The following BLTP3B variants were observed in gnomAD, a reference collection of about 807,000 sequenced individuals.
The protein encoded by BLTP3B is bridge-like lipid transfer protein family member 3B.
At chr12:100,121,519 T>C in the BLTP3B span, among the ~76,000 whole-genome samples, 4 of 152,098 alleles carry the variant, frequency 2.6e-5, no homozygotes, top group Non-Finnish European at 5.9e-5. Context: ...GTAATGGTAT[T>C]ATGATTACAT....
chr12:100,075,137 G>A, the BLTP3B span, among the ~76,000 whole-genome samples: 1 of 151,678 alleles, frequency 6.6e-6, no homozygotes, highest in Non-Finnish European at 1.5e-5. Context: ...TCAGCCTCCT[G>A]AGTAGCTGGG....
chr12:100,100,714 A>G, the BLTP3B span, among the ~76,000 whole-genome samples: 3 of 141,992 alleles, frequency 2.1e-5, no homozygotes, highest in African/African-American at 8.5e-5. Context: ...CCAAAAATAC[A>G]TATTCACATT....
the BLTP3B span, among the ~76,000 whole-genome samples, chr12:100,125,007 T>C: frequency 7.4e-6 from 1 of 134,760 alleles, no homozygotes; most frequent in South Asian, 2.4e-4. Flanking sequence ...GGTCCATATA[T>C]ATATATATAT....
At chr12:100,112,731 T>C in the BLTP3B span, among the ~76,000 whole-genome samples, 3 of 151,322 alleles carry the variant, frequency 2.0e-5, no homozygotes, top group Non-Finnish European at 4.4e-5. Flanking sequence ...AGAGAATAAA[T>C]GCACAAAAAG....
the BLTP3B span, among the ~76,000 whole-genome samples, chr12:100,099,308 T>C: frequency 1.5e-4 from 22 of 150,758 alleles, no homozygotes; most frequent in Admixed American, 1.3e-3. Context: ...CATTTTTATA[T>C]TGAAAAAATA....
chr12:100,131,028 AG>A, the BLTP3B span, among the ~76,000 whole-genome samples: 1 of 123,884 alleles, frequency 8.1e-6, no homozygotes, highest in East Asian at 2.0e-4. Context: ...AGAGAGAGAG[AG>A]AGAGAAAGAG....
At chr12:100,107,182 G>A in the BLTP3B span, among the ~76,000 whole-genome samples, 1 of 149,858 alleles carries the variant, frequency 6.7e-6, no homozygotes, top group Non-Finnish European at 1.5e-5. Flanking sequence ...CAGCTACTTG[G>A]AAGGCTGAGG....
chr12:100,048,811 T>A, the BLTP3B span, among the ~76,000 whole-genome samples: 3 of 138,564 alleles, frequency 2.2e-5, no homozygotes, highest in South Asian at 7.3e-4. Flanking sequence ...TGTGTGTGTG[T>A]AAAATTACAT....
the BLTP3B span, among the ~76,000 whole-genome samples, chr12:100,123,129 C>A: frequency 6.6e-6 from 1 of 152,160 alleles, no homozygotes; most frequent in Non-Finnish European, 1.5e-5. Flanking sequence ...TCCAAGAGAG[C>A]AGGGATCTTG....
At chr12:100,083,165 T>C in the BLTP3B span, 3 of 1,519,142 alleles carry the variant, frequency 2.0e-6, no homozygotes, top group Non-Finnish European at 2.7e-6. Flanking sequence ...TTTCAATTCA[T>C]TGCAAAATTA....
chr12:100,083,654 T>C, the BLTP3B span, among the ~76,000 whole-genome samples: 1 of 151,594 alleles, frequency 6.6e-6, no homozygotes, highest in Admixed American at 6.6e-5. Flanking sequence ...TGTATACATG[T>C]ATCAAAATAT....
the BLTP3B span, among the ~76,000 whole-genome samples, chr12:100,138,082 G>C: frequency 7.3e-4 from 111 of 152,200 alleles, 1 homozygote; most frequent in East Asian, 0.02. Context: ...TGAGACATTT[G>C]GCAATGTCTG....
the BLTP3B span, among the ~76,000 whole-genome samples, chr12:100,046,990 T>C: frequency 6.6e-6 from 1 of 152,244 alleles, no homozygotes; most frequent in South Asian, 2.1e-4. Flanking sequence ...CAAAACACAT[T>C]TGTACAACAG....
the BLTP3B span, chr12:100,128,822 C>A: frequency 1.9e-6 from 2 of 1,053,836 alleles, no homozygotes; most frequent in South Asian, 2.3e-5. Flanking sequence ...CTGTGGTGCC[C>A]TTTGGAAAAA....
chr12:100,137,534 A>T, the BLTP3B span, among the ~76,000 whole-genome samples: 2 of 151,920 alleles, frequency 1.3e-5, no homozygotes, highest in African/African-American at 4.8e-5. Flanking sequence ...TCCCAGACTG[A>T]TCTCAAACTG....
At chr12:100,077,613 C>T in the BLTP3B span, among the ~76,000 whole-genome samples, 3 of 152,288 alleles carry the variant, frequency 2.0e-5, no homozygotes, top group South Asian at 4.1e-4. Context: ...TCAGATATTG[C>T]CAAATGTCCC....
chr12:100,092,747 G>A, the BLTP3B span: 3,285 of 201,376 alleles, frequency 0.016, 45 homozygotes, highest in Admixed American at 0.027. Context: ...CTTTAACTAC[G>A]ACTGCCATCT....
the BLTP3B span, among the ~76,000 whole-genome samples, chr12:100,097,836 G>A: frequency 6.6e-6 from 1 of 152,160 alleles, no homozygotes; most frequent in Non-Finnish European, 1.5e-5. Flanking sequence ...CTGAGTAGCT[G>A]AGAAGTTAAA....
the BLTP3B span, among the ~76,000 whole-genome samples, chr12:100,136,936 C>T: frequency 3.3e-5 from 5 of 152,084 alleles, no homozygotes; most frequent in Non-Finnish European, 5.9e-5. Flanking sequence ...CTCAGCCTCC[C>T]GAGTAGCTGG....
Sources: allele counts gnomAD v4.1 joint callset (sites outside exome capture counted in the v4.1 genomes callset), GRCh38; gene constraint gnomAD v4.1.1; transcripts MANE v1.5; gene names NCBI Gene and HGNC (gene_info 2026-07-23, HGNC 2026-07-21).